Variants in ARMC9 observed in about 807,000 individuals in gnomAD.
ARMC9 encodes armadillo repeat containing 9, also known as lisH domain-containing protein ARMC9.
In ARMC9, 94 loss-of-function variants were observed where a neutral mutation model predicts 107.0. That is an observed-to-expected ratio of 0.88 (90% CI 0.74 to 1.04). The LOEUF (loss-of-function observed/expected upper bound fraction) is 1.04, where lower values mean the gene tolerates loss of function less well. Ranked by LOEUF, ARMC9 falls within the 50% of genes least tolerant of loss-of-function variation. The pLI is 0.00. For missense variants in ARMC9, 942 were observed against 1,030.1 expected (o/e 0.91, Z 1.17); for synonymous variants, 380 against 396.9 (o/e 0.96, Z 0.51).
chr2:231,288,187 C>T (rs535320052), intron 17 of ARMC9, among the ~76,000 whole-genome samples: 3 of 152,148 alleles, frequency 2.0e-5, no homozygotes, highest in African/African-American at 7.2e-5. Flanking sequence ...ATTATTATAG[C>T]TATGAAAATG....
At chr2:231,206,369 G>C (rs1431901168) in intron 2 of ARMC9, 80 bp downstream of exon 2, 32 of 1,155,754 alleles carry the variant, frequency 2.8e-5, no homozygotes, top group Non-Finnish European at 3.9e-5. Flanking sequence ...AAACTATTTA[G>C]TGCCTTGTAA....
chr2:231,228,464 A>G (rs2034880659), intron 7 of ARMC9, among the ~76,000 whole-genome samples: 1 of 152,174 alleles, frequency 6.6e-6, no homozygotes, highest in African/African-American at 2.4e-5. Context: ...TGACGAGAAC[A>G]CCTGCGTGGC....
intron 7 of ARMC9, among the ~76,000 whole-genome samples, chr2:231,228,319 G>A (rs1212430653): frequency 1.3e-5 from 2 of 152,214 alleles, no homozygotes; most frequent in Non-Finnish European, 2.9e-5. Flanking sequence ...GGAGCTGTGG[G>A]CTCAGTTAAG....
intron 19 of ARMC9, among the ~76,000 whole-genome samples, chr2:231,308,113 G>A (rs1261820579): frequency 6.6e-6 from 1 of 152,222 alleles, no homozygotes; most frequent in African/African-American, 2.4e-5. Context: ...CGTGAGCAGA[G>A]CCATGCCTTC....
chr2:231,234,664 C>T (rs1249913924), intron 7 of ARMC9, among the ~76,000 whole-genome samples: 6 of 152,150 alleles, frequency 3.9e-5, no homozygotes, highest in South Asian at 2.1e-4. Context: ...AGGACAGTGG[C>T]GCGATCTTGG....
intron 19 of ARMC9, among the ~76,000 whole-genome samples, chr2:231,314,571 T>C (rs930563969): frequency 6.6e-6 from 1 of 152,246 alleles, no homozygotes; most frequent in Non-Finnish European, 1.5e-5. Context: ...GAGGCTGTGC[T>C]ATGCGTTATT....
Position 231,296,195 on chromosome 2 carries a change from T to C in ARMC9, c.1718-3T>C. 6.2e-7 allele frequency: 1 copy of C among 1,611,186 alleles called. No individual in the cohort carries two copies. ...TATTCATTGATTCTTTTTTTCTTTA[T>C]AGAAGAGCTACCAGATGGTGTTCTT... On this transcript the variant is annotated splice_region_variant and splice_polypyrimidine_tract_variant and intron_variant, in intron 18 of 24. Transcript: ENST00000611582.
chr2:231,247,146 G>A (rs1020224562), intron 9 of ARMC9, among the ~76,000 whole-genome samples: 1 of 152,050 alleles, frequency 6.6e-6, no homozygotes, highest in Non-Finnish European at 1.5e-5. Flanking sequence ...TAGTAGAGAC[G>A]AGGTTTCACC....
rs900505951 is a variant in ARMC9, at chr2:231,374,719, A to T, written c.*3184A>T. 6.6e-6 allele frequency: 1 copy of T among 152,226 alleles called. No homozygotes were observed. Among genetic ancestry groups the T allele is most frequent in the African/African-American group, 2.4e-5 (1 of 41,464 alleles). 9.4% of individuals were successfully genotyped at this position (152,226 alleles called of 1,614,324 possible). The stretch of plus-strand genomic sequence containing the variant: ...ACCCCACCTGGCTTGTCTAACCCTA[A>T]TCCCAGCCCCAGTTTTAATAAAACT... On this transcript the variant is annotated 3_prime_UTR_variant, in exon 25 of 25. Coordinates refer to ENST00000611582, the MANE Select transcript of ARMC9 (RefSeq NM_001352754.2).
At chr2:231,235,140 G>C in intron 7 of ARMC9, 84 bp from the exon 8 acceptor site, 1 of 1,405,150 alleles carries the variant, frequency 7.1e-7, no homozygotes, top group Non-Finnish European at 9.6e-7. Context: ...CTGGCAATAA[G>C]TATGGTAGTT....
At chr2:231,291,754 G>T (rs1422024917) in intron 18 of ARMC9, among the ~76,000 whole-genome samples, 3 of 151,446 alleles carry the variant, frequency 2.0e-5, no homozygotes, top group Non-Finnish European at 4.4e-5. Context: ...GGCAGAAGTT[G>T]CAGTGAGCCG....
rs959529922 is a variant in ARMC9, at chr2:231,362,212, C to G, written c.2261+1329C>G. Among the ~76,000 whole-genome samples, 2 of 152,142 alleles carry G rather than the reference C, an allele frequency of 1.3e-5. No individual in the cohort carries two copies. Among genetic ancestry groups the G allele is most frequent in the African/African-American group, 2.4e-5 (1 of 41,404 alleles). On this transcript the variant is annotated intron_variant, in intron 23 of 24. Coordinates refer to ENST00000611582, the MANE Select transcript of ARMC9 (RefSeq NM_001352754.2). The surrounding 1 kb of genome is among the most constrained non-coding windows in gnomAD (Gnocchi z 4.7). ...CTGTGGCTGAAGAGGAGCTTGTCAG[C>G]TAGACCAGGGGTTCTCAGGCTCTCA... is the stretch of plus-strand genomic sequence containing the variant.
chr2:231,214,842 C>A lies in ARMC9; in HGVS notation c.189C>A (p.Val63=), dbSNP rs200269213. Residue 63 remains valine, a synonymous_variant, in exon 4 of 25, where the codon GTC becomes GTA. Coordinates refer to ENST00000611582, the MANE Select transcript of ARMC9 (RefSeq NM_001352754.2). ...TGTCTTCTCCACAGAAGGATCTTGTCGCTGCATTTGACAACGGAGACCAGA... is the reference window on the plus strand; with the variant it reads ...TGTCTTCTCCACAGAAGGATCTTGTAGCTGCATTTGACAACGGAGACCAGA... ...SKSLTIQKDL[V]AAFDNGDQKV... 6.2e-7 allele frequency: 1 copy of A among 1,613,866 alleles called. No homozygotes were observed. Among genetic ancestry groups the A allele is most frequent in the Non-Finnish European group, 8.5e-7 (1 of 1,179,908 alleles).
rs1165605866 is a variant in ARMC9 at position 231,360,625 on chromosome 2, C to T, written c.2132-129C>T. ...GTAAACAAGTATCCCAAGCCACAGG[C>T]GCCAGGGAGCCCGCAGGGCCTGGCC... On this transcript the variant is annotated intron_variant, in intron 22 of 24. Transcript: ENST00000611582. This position sits in a 1 kb window ranked among gnomAD's most constrained non-coding sequence, Gnocchi z 4.7. 11 of 1,414,190 alleles carry T rather than the reference C, an allele frequency of 7.8e-6. No individual in the cohort carries two copies. Among genetic ancestry groups the T allele is most frequent in the South Asian group, 6.2e-5 (5 of 80,220 alleles). 87.6% of individuals were successfully genotyped at this position (1,414,190 alleles called of 1,614,324 possible). A position where few individuals can be genotyped will look rare whatever the true frequency, so the allele number is the denominator to read the frequency against.
chr2:231,291,386 G>T lies in ARMC9; in HGVS notation c.1660G>T (p.Glu554Ter). 1 of 1,613,744 alleles carries T rather than the reference G, an allele frequency of 6.2e-7. No homozygotes were observed. The highest frequency in any genetic ancestry group is 1.3e-5 in the African/African-American group (1 of 75,038). Residue 554 changes from glutamate (E) to a stop codon, truncating the protein, a stop_gained, in exon 18 of 25, where the codon GAA becomes TAA. Transcript: ENST00000611582. LOFTEE classifies it high-confidence loss of function. ...AGACATCCTACGCTGCTTCATCAAA[G>T]AAGGCAATGCTGAAATGATCCGCCA... is the stretch of plus-strand genomic sequence containing the variant. ...MEDILRCFIKEGNAEMIRQIE... is the reference protein window; with the variant it reads ...MEDILRCFIK
chr2:231,357,837 C>T (rs1015037598), intron 22 of ARMC9, among the ~76,000 whole-genome samples: 2 of 152,182 alleles, frequency 1.3e-5, no homozygotes, highest in Non-Finnish European at 2.9e-5. Context: ...TCCCAAAGCA[C>T]TGGGATTACA....
intron 1 of ARMC9, among the ~76,000 whole-genome samples, chr2:231,200,123 A>G (rs1382124250): frequency 6.6e-6 from 1 of 152,184 alleles, no homozygotes; most frequent in Admixed American, 6.5e-5. Flanking sequence ...GGTGATGTTT[A>G]TTAGGCACAG....
In ARMC9 at chr2:231,362,394, C is replaced by A. The variant is rs1318885102; in HGVS notation, c.2261+1511C>A. On this transcript the variant is annotated intron_variant, in intron 23 of 24. Coordinates refer to ENST00000611582, the MANE Select transcript of ARMC9 (RefSeq NM_001352754.2). The surrounding 1 kb of genome is among the most constrained non-coding windows in gnomAD (Gnocchi z 4.7). ...CACTTCTTTTTACTTCCTGCAAATGCTGAGTTCATTTCTGAGGCTCTCCAC... is the reference window on the plus strand; with the variant it reads ...CACTTCTTTTTACTTCCTGCAAATGATGAGTTCATTTCTGAGGCTCTCCAC... 6.6e-6 allele frequency among the ~76,000 whole-genome samples: 1 copy of A among 152,142 alleles called. No homozygotes were observed. The highest frequency in any genetic ancestry group is 2.4e-5 in the African/African-American group (1 of 41,426).
At chr2:231,247,035 C>A (rs1460067312) in intron 9 of ARMC9, among the ~76,000 whole-genome samples, 1 of 151,986 alleles carries the variant, frequency 6.6e-6, no homozygotes, top group Non-Finnish European at 1.5e-5. Flanking sequence ...GGCTCACTGC[C>A]AGCTCCGCCT....
Sources: allele counts gnomAD v4.1 joint callset (sites outside exome capture counted in the v4.1 genomes callset), GRCh38; gene constraint gnomAD v4.1.1; non-coding constraint Gnocchi (gnomAD v3.1); transcripts MANE v1.5; gene names NCBI Gene and HGNC (gene_info 2026-07-23, HGNC 2026-07-21).